MCOLN1: variants seen among roughly 807,000 people sequenced by gnomAD.
MCOLN1 encodes mucolipin-1.
A neutral mutation model predicts 70.3 loss-of-function variants in MCOLN1; 50 were observed. The observed-to-expected ratio is 0.71, with a 90% CI of 0.57 to 0.90. The LOEUF (loss-of-function observed/expected upper bound fraction) is 0.90. Among genes scored for constraint, MCOLN1 ranks in the 40% least tolerant of loss-of-function variants. MCOLN1 has a pLI of 0.00. For synonymous variants in MCOLN1, 366 were observed against 341.0 expected (o/e 1.07, Z -0.81); for missense variants, 598 against 803.5 (o/e 0.74, Z 3.09).
At chr19:7,531,019 C>G (rs1048729247) in intron 12 of MCOLN1, among the ~76,000 whole-genome samples, 1 of 152,134 alleles carries the variant, frequency 6.6e-6, no homozygotes, top group Non-Finnish European at 1.5e-5. Flanking sequence ...GGATTACAGG[C>G]GTGAGCCACC....
Position 7,528,738 on chromosome 19 carries a change from C to T in MCOLN1, c.984+35C>T, listed in dbSNP as rs372746282. 5 of 1,614,084 alleles carry T rather than the reference C, an allele frequency of 3.1e-6. No homozygotes were observed. The highest frequency in any genetic ancestry group is 3.4e-6 in the Non-Finnish European group (4 of 1,180,030). Reference sequence around the variant, plus strand: ...CTGCGTCATGTGTGCTGGTGTCCTCCCCGCCTGGCCCTGGGGCGATAAAAG... The same window carrying T: ...CTGCGTCATGTGTGCTGGTGTCCTCTCCGCCTGGCCCTGGGGCGATAAAAG... On this transcript the variant is annotated intron_variant, in intron 8 of 13. Coordinates refer to ENST00000264079, the MANE Select transcript of MCOLN1 (RefSeq NM_020533.3). This position sits in a 1 kb window ranked among gnomAD's most constrained non-coding sequence, Gnocchi z 4.2.
intron 12 of MCOLN1, among the ~76,000 whole-genome samples, chr19:7,532,570 G>A (rs946229982): frequency 2.0e-5 from 3 of 152,084 alleles, no homozygotes; most frequent in Admixed American, 6.6e-5. Context: ...CAAAAAATTA[G>A]CGGACGTGGT....
At chr19:7,529,513 C>CCCCCCCCCCCCCGGGGG in intron 10 of MCOLN1, 77 bp from the exon 11 acceptor site, 1 of 1,040,524 alleles carries the variant, frequency 9.6e-7, no homozygotes. Context: ...CCCGCCCCTC[C>CCCCCCCCCCCCCGGGGG]CACCCCCATC....
rs1186459229 is a variant in MCOLN1, at chr19:7,529,191, C to T, written c.1225C>T (p.His409Tyr). The T allele has an allele frequency of 6.2e-7, 1 of 1,612,738 alleles. No individual in the cohort carries two copies. Among genetic ancestry groups the T allele is most frequent in the East Asian group, 2.2e-5 (1 of 44,886 alleles). Reference protein sequence around the residue: ...VGVIRYLTFFHNYNILIATLR... With the variant: ...VGVIRYLTFFYNYNILIATLR... ...CGTGATCCGCTACCTGACCTTCTTC[C>T]ACAACTACAATGTGAGTTTTGCACA... Residue 409 changes from histidine to tyrosine, a missense_variant, in exon 10 of 14, where the codon CAC (histidine) becomes TAC (tyrosine). This residue lies in a region of MCOLN1 where 461 missense variants were observed against 588.4 expected (regional missense o/e 0.78). Transcript: ENST00000264079.
At chr19:7,527,424 T>C in intron 4 of MCOLN1, 96 bp from the exon 5 acceptor site, 1 of 769,772 alleles carries the variant, frequency 1.3e-6, no homozygotes. Context: ...GACCCAACCC[T>C]GGGGAAGCAC....
chr19:7,527,677 C>G (rs1444381341), intron 5 of MCOLN1, 49 bp downstream of exon 5: 1 of 1,320,512 alleles, frequency 7.6e-7, no homozygotes, highest in Admixed American at 1.7e-5. Flanking sequence ...AGGCAGCACA[C>G]TAGGCACTCT....
rs2022558469 is a variant in MCOLN1 at position 7,525,640 on chromosome 19, C to G, written c.237+474C>G. The stretch of plus-strand genomic sequence containing the variant: ...GGCTGCACAGATAGTTCTCCCTCCC[C>G]CATGCCAGACCCTGTGCTGGGCTCT... On this transcript the variant is annotated intron_variant, in intron 2 of 13. Transcript: ENST00000264079. This position sits in a 1 kb window ranked among gnomAD's most constrained non-coding sequence, Gnocchi z 4.2. 1 of 211,502 alleles carries G rather than the reference C, an allele frequency of 4.7e-6. No homozygotes were observed. The highest frequency in any genetic ancestry group is 5.3e-5 in the Admixed American group (1 of 18,852). 13.1% of individuals were successfully genotyped at this position (211,502 alleles called of 1,614,324 possible). A position where few individuals can be genotyped will look rare whatever the true frequency, so the allele number is the denominator to read the frequency against.
At chr19:7,533,192 C>G (rs953567164) in intron 12 of MCOLN1, among the ~76,000 whole-genome samples, 1 of 152,258 alleles carries the variant, frequency 6.6e-6, no homozygotes, top group Admixed American at 6.5e-5. Context: ...CCTGCTCCCA[C>G]TGCTGTGCTC....
In MCOLN1 at chr19:7,525,280, C is replaced by G; in HGVS notation, c.237+114C>G. 1.0e-6 allele frequency: 1 copy of G among 971,048 alleles called. No individual in the cohort carries two copies. The highest frequency in any genetic ancestry group is 1.6e-6 in the Non-Finnish European group (1 of 625,974). 60.2% of individuals were successfully genotyped at this position (971,048 alleles called of 1,614,324 possible). A position where few individuals can be genotyped will look rare whatever the true frequency, so the allele number is the denominator to read the frequency against. On this transcript the variant is annotated intron_variant, in intron 2 of 13. Transcript: ENST00000264079. This position sits in a 1 kb window ranked among gnomAD's most constrained non-coding sequence, Gnocchi z 4.2. ...GCCGAGGCCGGTGGATCGCTTGAGG[C>G]TGGGAGTTCAAGACCAGTCTGGCCA...
At position 7,528,819 on chromosome 19, in the gene MCOLN1, A is replaced by G; in HGVS notation, c.985-2A>G. On this transcript the variant is annotated splice_acceptor_variant, in intron 8 of 13. Coordinates refer to ENST00000264079, the MANE Select transcript of MCOLN1 (RefSeq NM_020533.3). LOFTEE classifies it high-confidence loss of function. The surrounding 1 kb of genome is among the most constrained non-coding windows in gnomAD (Gnocchi z 4.2). ...GGCCCTCACCCCGCCTGCCTTCTGC[A>G]GGAGTTTGTGGGGTTCATGTGGCGG... The G allele has an allele frequency of 6.2e-7, 1 of 1,614,194 alleles. No individual in the cohort carries two copies. The highest frequency in any genetic ancestry group is 8.5e-7 in the Non-Finnish European group (1 of 1,180,008).
intron 9 of MCOLN1, 59 bp downstream of exon 9, chr19:7,529,029 G>T: frequency 6.2e-7 from 1 of 1,613,724 alleles, no homozygotes; most frequent in South Asian, 1.1e-5. Context: ...TGCCTATCCG[G>T]GGCCATATCC....
rs547957379 is a variant in MCOLN1 at position 7,526,718 on chromosome 19, A to C, written c.406-43A>C. On this transcript the variant is annotated intron_variant, in intron 3 of 13. Transcript: ENST00000264079. This position sits in a 1 kb window ranked among gnomAD's most constrained non-coding sequence, Gnocchi z 4.6. ...GCAGGTGCAGGTGGGTGGGCTGCAG[A>C]GAGCGGGCCGGACTCACAGGCCCTC... The C allele has an allele frequency of 1.3e-3, 2,103 of 1,609,966 alleles. 59 individuals are homozygous for C. In the South Asian group the frequency reaches 0.022, roughly 17 times the overall value.
chr19:7,525,497 A>T lies in MCOLN1; in HGVS notation c.237+331A>T. ...AACAGAGCAAGACTGTCTCAAAAAA[A>T]AAAAGAAGCCGACTCTGAGGCTCAG... On this transcript the variant is annotated intron_variant, in intron 2 of 13. Transcript: ENST00000264079. The surrounding 1 kb of genome is among the most constrained non-coding windows in gnomAD (Gnocchi z 4.2). 1 of 322,224 alleles carries T rather than the reference A, an allele frequency of 3.1e-6. No homozygotes were observed. The highest frequency in any genetic ancestry group is 6.0e-6 in the Non-Finnish European group (1 of 166,732). The allele number at this position is 322,224 out of a possible 1,614,324, so 20.0% of individuals were successfully genotyped here.
intron 10 of MCOLN1, 115 bp from the exon 11 acceptor site, chr19:7,529,475 A>G (rs2146025261): frequency 2.2e-6 from 3 of 1,364,290 alleles, no homozygotes; most frequent in Non-Finnish European, 3.0e-6. Context: ...GGCTCCCATG[A>G]CCACACCGGC....
rs1158583058 is a variant in MCOLN1, at chr19:7,526,482, G to T, written c.281G>T (p.Arg94Leu). 6.2e-7 allele frequency: 1 copy of T among 1,614,220 alleles called. No individual in the cohort carries two copies. Among genetic ancestry groups the T allele is most frequent in the Middle Eastern group, 1.6e-4 (1 of 6,062 alleles). ...GLSNQLAVTF[R>L]EENTIAFRHL... ...AGTAATCAGCTGGCTGTGACATTCCGGGAAGAGAACACCATCGCCTTCCGA... is the reference window on the plus strand; with the variant it reads ...AGTAATCAGCTGGCTGTGACATTCCTGGAAGAGAACACCATCGCCTTCCGA... The change falls in exon 3 of 14, where the codon CGG (arginine) becomes CTG (leucine). Residue 94 changes from arginine (R) to leucine (L), a missense_variant. Arg to Leu is a moderately radical substitution (Grantham distance 102). Coordinates refer to ENST00000264079, the MANE Select transcript of MCOLN1 (RefSeq NM_020533.3). The surrounding 1 kb of genome is among the most constrained non-coding windows in gnomAD (Gnocchi z 4.6).
Position 7,526,790 on chromosome 19 carries a change from C to A in MCOLN1, c.435C>A (p.Gly145=). Residue 145 remains glycine, a synonymous_variant, in exon 4 of 14, where the codon GGC becomes GGA. Coordinates refer to ENST00000264079, the MANE Select transcript of MCOLN1 (RefSeq NM_020533.3). This position sits in a 1 kb window ranked among gnomAD's most constrained non-coding sequence, Gnocchi z 4.6. ...QYLALPDVSL[G]RYAYVRGGGD... ...TGGCGTTGCCTGACGTGTCACTGGG[C>A]CGGTATGCGTATGTCCGTGGTGGGG... The A allele has an allele frequency of 6.2e-7, 1 of 1,614,138 alleles. No individual in the cohort carries two copies. The highest frequency in any genetic ancestry group is 8.5e-7 in the Non-Finnish European group (1 of 1,180,032).
chr19:7,522,761 C>T lies in MCOLN1; in HGVS notation c.11C>T (p.Pro4Leu). 2.1e-6 allele frequency: 3 copies of T among 1,423,656 alleles called. No individual in the cohort carries two copies. Among genetic ancestry groups the T allele is most frequent in the African/African-American group, 1.5e-5 (1 of 67,472 alleles). The allele number at this position is 1,423,656 out of a possible 1,614,324, so 88.2% of individuals were successfully genotyped here. The part of the protein sequence containing the change: MTA[P>L]AGPRGSETER... ...CGCTCCCGCCCCAGCATGACAGCCCCGGCGGGTCCGCGCGGCTCAGGTGAG... is the reference window on the plus strand; with the variant it reads ...CGCTCCCGCCCCAGCATGACAGCCCTGGCGGGTCCGCGCGGCTCAGGTGAG... Residue 4 changes from proline to leucine, a missense_variant, in exon 1 of 14, where the codon CCG (proline) becomes CTG (leucine). Physicochemically the swap from Pro to Leu is moderately conservative, Grantham distance 98. Around this residue, in one of 3 missense-constraint regions of MCOLN1, gnomAD observed 461 missense variants for 588.4 expected, o/e 0.78. Coordinates refer to ENST00000264079, the MANE Select transcript of MCOLN1 (RefSeq NM_020533.3).
chr19:7,529,850 C>T, intron 11 of MCOLN1, 138 bp downstream of exon 11: 2 of 1,057,252 alleles, frequency 1.9e-6, no homozygotes, highest in Non-Finnish European at 3.0e-6. Context: ...GACACTGACC[C>T]TGTGCCATTA....
Position 7,530,456 on chromosome 19 carries a change from C to T in MCOLN1, c.1530C>T (p.Leu510=). ...SFISLFIYMV[L]SLFIALITGA... is the part of the protein sequence containing the mutation. ...TCAGCCTCTTCATCTACATGGTGCT[C>T]AGCCTCTTCATCGCGCTCATCACCG... The change falls in exon 12 of 14, where the codon CTC becomes CTT. Residue 510 remains leucine (L), a synonymous_variant. Coordinates refer to ENST00000264079, the MANE Select transcript of MCOLN1 (RefSeq NM_020533.3). The T allele has an allele frequency of 6.2e-7, 1 of 1,612,766 alleles. No individual in the cohort carries two copies. The highest frequency in any genetic ancestry group is 8.5e-7 in the Non-Finnish European group (1 of 1,180,034).
Sources: gnomAD v4.1 joint callset for allele counts (sites outside exome capture counted in the v4.1 genomes callset) on GRCh38, gnomAD v4.1.1 for gene constraint, gnomAD v4.1.1 regional missense constraint, Gnocchi (gnomAD v3.1) non-coding constraint, MANE v1.5 for transcripts, NCBI Gene and HGNC (gene_info 2026-07-23, HGNC 2026-07-21) for gene names.